The following C6orf52 variants were observed in gnomAD, a reference collection of about 807,000 sequenced individuals.
C6orf52 encodes chromosome 6 open reading frame 52, also known as putative uncharacterized protein C6orf52.
In C6orf52, 16 loss-of-function variants were observed where a neutral mutation model predicts 16.6. The ratio of observed to expected loss-of-function variants is 0.96; its 90% CI spans 0.65 to 1.46. The LOEUF (loss-of-function observed/expected upper bound fraction) is 1.46. Ranked by LOEUF, C6orf52 falls within the 40% of genes most tolerant of loss-of-function variation. The probability of loss-of-function intolerance (pLI) is 0.00; values close to 1 mark genes in which losing one functional copy is unlikely to be tolerated. For synonymous variants in C6orf52, 53 were observed against 61.4 expected, an observed-to-expected ratio of 0.86 and a Z score of 0.64; for missense variants, 166 against 182.3, an observed-to-expected ratio of 0.91 and a Z score of 0.52.
intron 3 of C6orf52, among the ~76,000 whole-genome samples, chr6:10,686,421 G>A (rs1274520949): frequency 3.9e-5 from 6 of 152,058 alleles, no homozygotes; most frequent in Admixed American, 2.6e-4. Flanking sequence ...AAGGAGGAGG[G>A]GTGTGTGTGG....
chr6:10,680,929 T>C (rs1471166468), intron 4 of C6orf52, among the ~76,000 whole-genome samples: 2 of 152,124 alleles, frequency 1.3e-5, no homozygotes, highest in African/African-American at 4.8e-5. Context: ...GCCTCTCAAA[T>C]ATTTGGGACT....
In C6orf52 at chr6:10,671,532, T is replaced by C; in HGVS notation, c.383A>G (p.Tyr128Cys). The change falls in exon 5 of 5, where the codon TAC becomes TGC. Residue 128 changes from tyrosine to cysteine, a missense_variant. Tyr to Cys is a radical substitution (Grantham distance 194). Coordinates refer to ENST00000259983, the MANE Select transcript of C6orf52 (RefSeq NM_001145020.3). ...CCAGTGGCAATTCATGAGGGAGTCGTAGAGTTCTTCACTTTTCACCATAAA... is the reference window on the plus strand; with the variant it reads ...CCAGTGGCAATTCATGAGGGAGTCGCAGAGTTCTTCACTTTTCACCATAAA... ...QEFMVKSEEL[Y>C]DSLMNCHWQP... 4 of 1,548,296 alleles carry C rather than the reference T, an allele frequency of 2.6e-6. No individual in the cohort carries two copies. Among genetic ancestry groups the C allele is most frequent in the South Asian group, 2.4e-5 (2 of 83,900 alleles).
chr6:10,691,640 GA>G (rs1180972649), intron 1 of C6orf52, among the ~76,000 whole-genome samples: 6 of 152,108 alleles, frequency 3.9e-5, no homozygotes, highest in Admixed American at 3.9e-4. Context: ...AAGACAATAT[GA>G]GGGGTGGTCT....
At chr6:10,694,629 T>A, upstream of C6orf52, 2 of 191,764 alleles carry the variant, frequency 1.0e-5, no homozygotes, top group South Asian at 8.9e-5. Context: ...CCCCACCTCC[T>A]CCTGATGTCA....
rs1561879117 is a variant in C6orf52 at position 10,687,161 on chromosome 6, G to A, written c.75C>T (p.Leu25=). Residue 25 remains leucine, a synonymous_variant, in exon 3 of 5, where the codon CTC becomes CTT. Coordinates refer to ENST00000259983, the MANE Select transcript of C6orf52 (RefSeq NM_001145020.3). ...CCTGCTTCACTCTAATAGCAGAGGG[G>A]AGACTACAGGAATGACAATCATCAC... is the stretch of plus-strand genomic sequence containing the variant. The part of the protein sequence containing the change: ...QNNYYCYWQS[L]PSAIRVKQEF... 2 of 1,545,764 alleles carry A rather than the reference G, an allele frequency of 1.3e-6. No homozygotes were observed. The highest frequency in any genetic ancestry group is 1.7e-6 in the Non-Finnish European group (2 of 1,143,356).
intron 3 of C6orf52, chr6:10,684,885 A>C: frequency 7.8e-7 from 1 of 1,289,004 alleles, no homozygotes; most frequent in Non-Finnish European, 1.0e-6. Flanking sequence ...CCAACAGGGG[A>C]CACCCAGCAG....
upstream of C6orf52, chr6:10,694,624 C>G: frequency 5.2e-6 from 1 of 191,732 alleles, no homozygotes; most frequent in Non-Finnish European, 1.1e-5. Flanking sequence ...GTCGGCCCCA[C>G]CTCCTCCTGA....
intron 4 of C6orf52, among the ~76,000 whole-genome samples, chr6:10,675,002 G>C (rs1260225738): frequency 2.0e-5 from 3 of 151,942 alleles, no homozygotes; most frequent in Non-Finnish European, 2.9e-5. Context: ...ATAGAGATGA[G>C]GGTTCACCAT....
intron 4 of C6orf52, among the ~76,000 whole-genome samples, chr6:10,677,546 T>TC (rs149677371): frequency 0.032 from 4,835 of 151,550 alleles, 247 homozygotes; most frequent in African/African-American, 0.11. Context: ...TTTTTTTTTT[T>TC]CCCAAGACAG....
In C6orf52 at chr6:10,687,059, G is replaced by A; in HGVS notation, c.177C>T (p.Tyr59=). Residue 59 remains tyrosine, a synonymous_variant, in exon 3 of 5, where the codon TAC becomes TAT. Coordinates refer to ENST00000259983, the MANE Select transcript of C6orf52 (RefSeq NM_001145020.3). ...TTCCATCCACTGCACAGCCATAGCT[G>A]TAGCCAGAAAGAAGGTAAGAGCCGT... The part of the protein sequence containing the change: ...RQHGSYLLSG[Y]SYGCAVDGNG... The A allele has an allele frequency of 2.6e-6, 4 of 1,551,854 alleles. No individual in the cohort carries two copies. The highest frequency in any genetic ancestry group is 3.5e-6 in the Non-Finnish European group (4 of 1,146,960).
chr6:10,688,651 G>T (rs903017703), intron 1 of C6orf52, among the ~76,000 whole-genome samples: 2 of 152,120 alleles, frequency 1.3e-5, no homozygotes, highest in African/African-American at 4.8e-5. Context: ...TATTTGCAAA[G>T]AACCTACACA....
intron 3 of C6orf52, among the ~76,000 whole-genome samples, chr6:10,686,042 CA>C (rs1305076171): frequency 6.6e-6 from 1 of 152,104 alleles, no homozygotes; most frequent in East Asian, 1.9e-4. Context: ...CTAAAAATCG[CA>C]ATGTATCTAA....
At chr6:10,683,359 A>G (rs1768572415) in intron 3 of C6orf52, 127 bp from the exon 4 acceptor site, 1 of 559,738 alleles carries the variant, frequency 1.8e-6, no homozygotes, top group Non-Finnish European at 3.1e-6. Context: ...TTGACAATTA[A>G]TCTCTTTAAA....
chr6:10,675,254 A>G (rs925992646), intron 4 of C6orf52, among the ~76,000 whole-genome samples: 1 of 152,160 alleles, frequency 6.6e-6, no homozygotes, highest in African/African-American at 2.4e-5. Context: ...TAAGCTTTTT[A>G]AGATTCCACA....
intron 3 of C6orf52, among the ~76,000 whole-genome samples, chr6:10,686,755 T>A: frequency 6.6e-6 from 1 of 152,232 alleles, no homozygotes; most frequent in East Asian, 1.9e-4. Flanking sequence ...AAATTAAACA[T>A]GTGCAGGGAC....
intron 4 of C6orf52, among the ~76,000 whole-genome samples, chr6:10,680,213 G>A (rs1421495875): frequency 6.6e-6 from 1 of 151,868 alleles, no homozygotes; most frequent in Non-Finnish European, 1.5e-5. Flanking sequence ...TCACGGCACT[G>A]CACTCCAACC....
At position 10,694,601 on chromosome 6, in the gene C6orf52, C is replaced by A; in HGVS notation, c.-119G>T. On this transcript the variant is annotated 5_prime_UTR_variant, in exon 1 of 5. Transcript: ENST00000259983. ...CGCTGCCGGCGCTACAGCCCCTAAG[C>A]AACCGGCCGGAAGTCGGCCCCACCT... 3 of 175,902 alleles carry A rather than the reference C, an allele frequency of 1.7e-5. No homozygotes were observed. The highest frequency in any genetic ancestry group is 3.7e-5 in the Non-Finnish European group (3 of 81,262). The allele number at this position is 175,902 out of a possible 1,614,324, so 10.9% of individuals were successfully genotyped here.
chr6:10,693,788 G>C (rs992301053), intron 1 of C6orf52, among the ~76,000 whole-genome samples: 1 of 152,120 alleles, frequency 6.6e-6, no homozygotes, highest in Admixed American at 6.5e-5. Flanking sequence ...GAATGCAGTG[G>C]AGCGATCTCG....
At chr6:10,677,426 TAC>T (rs1767991236) in intron 4 of C6orf52, among the ~76,000 whole-genome samples, 2 of 152,040 alleles carry the variant, frequency 1.3e-5, no homozygotes, top group African/African-American at 4.8e-5. Context: ...AACTTTGTAG[TAC>T]AAAGTCAGGT....
Sources: gnomAD v4.1 joint callset for allele counts (sites outside exome capture counted in the v4.1 genomes callset) on GRCh38, gnomAD v4.1.1 for gene constraint, MANE v1.5 for transcripts, NCBI Gene and HGNC (gene_info 2026-07-23, HGNC 2026-07-21) for gene names.